MCTP2: variants seen among roughly 807,000 people sequenced by gnomAD.
MCTP2 encodes multiple C2 and transmembrane domain containing 2, also known as multiple C2 and transmembrane domain-containing protein 2.
MCTP2 carries 132 observed loss-of-function variants against 111.6 expected under a neutral mutation model. The observed-to-expected ratio is 1.18, with a 90% CI of 1.03 to 1.37. The LOEUF is 1.37. Ranked by LOEUF, MCTP2 falls within the 40% of genes most tolerant of loss-of-function variation. The pLI is 0.00. For missense variants in MCTP2, 1,183 were observed against 1,067.9 expected (o/e 1.11, Z -1.50); for synonymous variants, 395 against 387.7 (o/e 1.02, Z -0.22).
At chr15:94,367,439 T>G (rs1381544651) in intron 10 of MCTP2, among the ~76,000 whole-genome samples, 166 bp from the exon 11 acceptor site, 1 of 152,146 alleles carries the variant, frequency 6.6e-6, no homozygotes, top group African/African-American at 2.4e-5. Context: ...TGTGTTAGGC[T>G]GGGGGTGAGC....
intron 1 of MCTP2, among the ~76,000 whole-genome samples, chr15:94,245,592 A>G (rs1004459036): frequency 6.9e-6 from 1 of 145,098 alleles, no homozygotes; most frequent in Admixed American, 7.0e-5. Context: ...ATGTACATAT[A>G]CGTATATAGA....
chr15:94,324,578 C>G lies in MCTP2; in HGVS notation c.637+8941C>G, dbSNP rs925257754. The stretch of plus-strand genomic sequence containing the variant: ...ATGAACACTCATTCAGAAAACTGCT[C>G]TCTTTCTCAATTTCCAGCACAGGTA... On this transcript the variant is annotated intron_variant, in intron 4 of 22. Coordinates refer to ENST00000357742, the MANE Select transcript of MCTP2 (RefSeq NM_001385001.1). 5.3e-5 allele frequency among the ~76,000 whole-genome samples: 8 copies of G among 152,272 alleles called. No individual in the cohort carries two copies. In the East Asian group the frequency reaches 1.3e-3, roughly 26 times the overall value.
chr15:94,336,811 C>T (rs1021017650), intron 4 of MCTP2, among the ~76,000 whole-genome samples: 1 of 151,866 alleles, frequency 6.6e-6, no homozygotes, highest in African/African-American at 2.4e-5. Context: ...GCAGGACACT[C>T]AGGCCATGAA....
intron 1 of MCTP2, among the ~76,000 whole-genome samples, chr15:94,251,838 C>G (rs2072454844): frequency 6.6e-6 from 1 of 152,132 alleles, no homozygotes; most frequent in African/African-American, 2.4e-5. Context: ...CTTTCTGTCT[C>G]CACGAATTTG....
Position 94,298,281 on chromosome 15 carries a change from C to A in MCTP2, c.16C>A (p.Pro6Thr), listed in dbSNP as rs763569501. MDLDK[P>T]SVWGSLKQRT... ...TCATGCAGCCATGGATCTGGATAAACCATCTGTTTGGGGCTCATTAAAACA... is the reference window on the plus strand; with the variant it reads ...TCATGCAGCCATGGATCTGGATAAAACATCTGTTTGGGGCTCATTAAAACA... The change falls in exon 2 of 23, where the codon CCA becomes ACA. Residue 6 changes from proline to threonine, a missense_variant. Pro to Thr is a conservative substitution (Grantham distance 38). Transcript: ENST00000357742. 1.2e-6 allele frequency: 2 copies of A among 1,611,670 alleles called. No individual in the cohort carries two copies. Among genetic ancestry groups the A allele is most frequent in the Non-Finnish European group, 1.7e-6 (2 of 1,178,816 alleles).
rs1567603279 is a variant in MCTP2 at position 94,390,104 on chromosome 15, A to ATG, written c.1788+4580_1788+4581insGT. ...TATATATATATGTATATATATATAT[A>ATG]TATATATATGTATATATATATATAT... On this transcript the variant is annotated intron_variant, in intron 14 of 22. Transcript: ENST00000357742. 7.2e-3 allele frequency among the ~76,000 whole-genome samples: 288 copies of ATG among 39,972 alleles called. 9 individuals carry two copies. The highest frequency in any genetic ancestry group is 0.016 in the African/African-American group (271 of 17,098). 26.2% of individuals were successfully genotyped at this position (39,972 alleles called of 152,430 possible). A position where few individuals can be genotyped will look rare whatever the true frequency, so the allele number is the denominator to read the frequency against.
At chr15:94,294,855 C>A (rs981071506) in intron 1 of MCTP2, among the ~76,000 whole-genome samples, 1 of 151,540 alleles carries the variant, frequency 6.6e-6, no homozygotes, top group African/African-American at 2.4e-5. Context: ...TCACGTTCAT[C>A]TCCTGTGGTG....
At chr15:94,462,104 C>G (rs573405729) in intron 20 of MCTP2, among the ~76,000 whole-genome samples, 4 of 152,278 alleles carry the variant, frequency 2.6e-5, no homozygotes, top group South Asian at 2.1e-4. Flanking sequence ...CTCATTTGTC[C>G]AAGCCTTGGA....
chr15:94,238,599 C>T (rs962234653), intron 1 of MCTP2, among the ~76,000 whole-genome samples: 3 of 151,994 alleles, frequency 2.0e-5, no homozygotes, highest in Non-Finnish European at 4.4e-5. Flanking sequence ...GTGAATAAAA[C>T]AAATAGATCC....
intron 1 of MCTP2, among the ~76,000 whole-genome samples, chr15:94,245,260 A>C (rs186044672): frequency 7.8e-4 from 112 of 142,994 alleles, no homozygotes; most frequent in African/African-American, 2.8e-3. Context: ...ATGTATATAT[A>C]CATATGTGTA....
chr15:94,319,210 G>A (rs2076517514), intron 4 of MCTP2, among the ~76,000 whole-genome samples: 1 of 152,138 alleles, frequency 6.6e-6, no homozygotes, highest in South Asian at 2.1e-4. Context: ...GTATGATCTT[G>A]AGCCTGCTCA....
intron 1 of MCTP2, among the ~76,000 whole-genome samples, chr15:94,270,093 A>C (rs1372141278): frequency 6.6e-6 from 1 of 152,124 alleles, no homozygotes; most frequent in Non-Finnish European, 1.5e-5. Context: ...TTTGAAATGT[A>C]TATGATGGTT....
At position 94,346,319 on chromosome 15, in the gene MCTP2, G is replaced by T. The variant is rs147296129; in HGVS notation, c.1005+1155G>T. On this transcript the variant is annotated intron_variant, in intron 8 of 22. Transcript: ENST00000357742. ...AATTCTCATAAGGTGTCTTGTTACC[G>T]TATGAGTTCACTTGGTTCCCAAGAC... 6.9e-4 allele frequency among the ~76,000 whole-genome samples: 105 copies of T among 152,124 alleles called. 1 individual carries two copies. The highest frequency in any genetic ancestry group is 2.4e-3 in the African/African-American group (99 of 41,482).
Position 94,385,614 on chromosome 15 carries a change from TG to T in MCTP2, c.1788+94del, listed in dbSNP as rs1008351222. 1.8e-5 allele frequency: 16 copies of T among 898,920 alleles called. No homozygotes were observed. In the African/African-American group the frequency reaches 2.5e-4, roughly 14 times the overall value. The allele number at this position is 898,920 out of a possible 1,614,324, so 55.7% of individuals were successfully genotyped here. A position where few individuals can be genotyped will look rare whatever the true frequency, so the allele number is the denominator to read the frequency against. ...TAGAGTTGCTTTATCTTTGTCAACC[TG>T]GGGGAAAAAAATCCTCCTAACTATA... On this transcript the variant is annotated intron_variant, in intron 14 of 22. Coordinates refer to ENST00000357742, the MANE Select transcript of MCTP2 (RefSeq NM_001385001.1).
In MCTP2 at chr15:94,470,461, T is replaced by G. The variant is rs781409250; in HGVS notation, c.2470+19T>G. 13 of 1,470,754 alleles carry G rather than the reference T, an allele frequency of 8.8e-6. 2 individuals carry two copies. 91.1% of individuals were successfully genotyped at this position (1,470,754 alleles called of 1,614,324 possible). A position where few individuals can be genotyped will look rare whatever the true frequency, so the allele number is the denominator to read the frequency against. ...ATCTGGGGTAAGTTTGGAATGGTCC[T>G]TTTGCTAGCAATCAATTCCAGGTAA... On this transcript the variant is annotated intron_variant, in intron 21 of 22. Coordinates refer to ENST00000357742, the MANE Select transcript of MCTP2 (RefSeq NM_001385001.1).
rs72647774 is a variant in MCTP2 at position 94,374,029 on chromosome 15, G to A, written c.1582+3849G>A. 6.0e-3 allele frequency among the ~76,000 whole-genome samples: 917 copies of A among 152,252 alleles called. 7 individuals carry two copies. Among genetic ancestry groups the A allele is most frequent in the Middle Eastern group, 0.017 (5 of 294 alleles). On this transcript the variant is annotated intron_variant, in intron 12 of 22. Coordinates refer to ENST00000357742, the MANE Select transcript of MCTP2 (RefSeq NM_001385001.1). ...GTATTTTAAGAAGAAAACAACTCGC[G>A]TTCTAATGATTAACTGAAAAAGAGA...
chr15:94,314,155 C>A, intron 2 of MCTP2, 127 bp from the exon 3 acceptor site: 1 of 622,376 alleles, frequency 1.6e-6, no homozygotes. Context: ...AACAGGAAGG[C>A]GGCCCTCACT....
chr15:94,404,101 T>G (rs759537699), intron 17 of MCTP2, among the ~76,000 whole-genome samples: 5 of 152,204 alleles, frequency 3.3e-5, no homozygotes, highest in Non-Finnish European at 7.4e-5. Context: ...GCCTTGGTGA[T>G]TCTCAGAAAT....
intron 17 of MCTP2, among the ~76,000 whole-genome samples, chr15:94,413,509 T>G (rs1427941025): frequency 6.6e-6 from 1 of 152,006 alleles, no homozygotes; most frequent in African/African-American, 2.4e-5. Flanking sequence ...TTGGCTAGGT[T>G]TCACTTCTAT....
Sources: allele counts gnomAD v4.1 joint callset (sites outside exome capture counted in the v4.1 genomes callset), GRCh38; gene constraint gnomAD v4.1.1; transcripts MANE v1.5; gene names NCBI Gene and HGNC (gene_info 2026-07-23, HGNC 2026-07-21).